Variants in PDZD2 observed in about 807,000 individuals in gnomAD.
PDZD2 encodes PDZ domain containing 2.
Under a neutral mutation model 220.7 loss-of-function variants are expected in PDZD2, and 90 were observed. That is an observed-to-expected ratio of 0.41 (90% CI 0.34 to 0.49). PDZD2 has a LOEUF of 0.49. Ranked by LOEUF, PDZD2 falls within the 20% of genes least tolerant of loss-of-function variation. The pLI is 0.28. For missense variants in PDZD2, 3,174 were observed against 3,608.5 expected, an observed-to-expected ratio of 0.88 and a Z score of 3.08; for synonymous variants, 1,375 against 1,450.5, an observed-to-expected ratio of 0.95 and a Z score of 1.18.
chr5:31,776,982 C>T (rs1177667593), intron 1 of PDZD2, among the ~76,000 whole-genome samples: 2 of 152,156 alleles, frequency 1.3e-5, no homozygotes, highest in Non-Finnish European at 2.9e-5. Flanking sequence ...CCTCCTCGGC[C>T]TCAGGCGTTC....
intron 2 of PDZD2, among the ~76,000 whole-genome samples, chr5:31,970,136 C>A (rs1581184076): frequency 6.6e-6 from 1 of 151,990 alleles, no homozygotes; most frequent in African/African-American, 2.4e-5. Flanking sequence ...CTCAGGTGAT[C>A]CGCCCACCTC....
intron 14 of PDZD2, among the ~76,000 whole-genome samples, chr5:32,065,337 T>C (rs923238777): frequency 3.9e-5 from 6 of 152,210 alleles, no homozygotes; most frequent in Admixed American, 6.5e-5. Context: ...CCCATGCCTG[T>C]CATATGGGCA....
rs1415768800 is a variant in PDZD2 at position 31,961,609 on chromosome 5, C to CT, written c.477-21542dup. Among the ~76,000 whole-genome samples the CT allele has an allele frequency of 5.9e-5, 9 of 152,246 alleles. No homozygotes were observed. In the East Asian group the frequency reaches 1.7e-3, roughly 29 times the overall value. On this transcript the variant is annotated intron_variant, in intron 2 of 24. Transcript: ENST00000438447. ...GAAAAGAATAGCATAAGGAAGCTCA[C>CT]TTTTCTTATTTGTTCTTCCTCTCAG...
intron 1 of PDZD2, among the ~76,000 whole-genome samples, chr5:31,695,950 C>A (rs975244423): frequency 1.3e-5 from 2 of 152,114 alleles, no homozygotes; most frequent in African/African-American, 2.4e-5. Context: ...GATTCTCTTC[C>A]CCAAAGTTCT....
chr5:31,945,446 C>T (rs1021615665), intron 2 of PDZD2, among the ~76,000 whole-genome samples: 5 of 152,174 alleles, frequency 3.3e-5, no homozygotes, highest in Non-Finnish European at 7.3e-5. Context: ...TTTCTGCTAT[C>T]TCGGTCCTAT....
At chr5:31,914,835 G>A (rs1743539250) in intron 2 of PDZD2, among the ~76,000 whole-genome samples, 1 of 152,186 alleles carries the variant, frequency 6.6e-6, no homozygotes, top group African/African-American at 2.4e-5. Context: ...AGCTGGTGAA[G>A]CAAACCTAAA....
intron 6 of PDZD2, among the ~76,000 whole-genome samples, chr5:32,013,602 G>A (rs867716103): frequency 2.5e-4 from 38 of 151,922 alleles, no homozygotes; most frequent in South Asian, 1.9e-3. Context: ...TAAGCCTCTC[G>A]GCAGTATTTC....
intron 2 of PDZD2, among the ~76,000 whole-genome samples, chr5:31,832,900 G>T (rs540423410): frequency 0.12 from 18,222 of 152,164 alleles, 1,191 homozygotes; most frequent in Non-Finnish European, 0.15. Flanking sequence ...CCTAGTGTGT[G>T]AGGAAAAGTT....
intron 1 of PDZD2, among the ~76,000 whole-genome samples, chr5:31,743,081 C>G (rs1750364477): frequency 1.3e-5 from 2 of 152,138 alleles, no homozygotes; most frequent in South Asian, 2.1e-4. Context: ...TTTTCCCCTG[C>G]TGAATTCTGC....
intron 1 of PDZD2, among the ~76,000 whole-genome samples, chr5:31,660,683 A>T (rs929954969): frequency 6.6e-5 from 10 of 152,156 alleles, no homozygotes; most frequent in African/African-American, 2.4e-4. Context: ...CCCTCCCATG[A>T]CACATGGGGA....
chr5:31,789,096 T>C (rs1338186762), intron 1 of PDZD2, among the ~76,000 whole-genome samples: 2 of 152,164 alleles, frequency 1.3e-5, no homozygotes, highest in African/African-American at 2.4e-5. Context: ...TTTTCTCTCA[T>C]GTAATAAGAA....
At chr5:31,970,400 A>G (rs1466237031) in intron 2 of PDZD2, among the ~76,000 whole-genome samples, 2 of 152,136 alleles carry the variant, frequency 1.3e-5, no homozygotes, top group East Asian at 1.9e-4. Context: ...TCCCGCTGGT[A>G]ATCCCAGCAC....
At chr5:32,073,607 CG>C (rs747623762) in intron 17 of PDZD2, among the ~76,000 whole-genome samples, 4 of 139,710 alleles carry the variant, frequency 2.9e-5, no homozygotes, top group African/African-American at 8.5e-5. Context: ...AAGAAAAGGG[CG>C]GGGGGGGTAG....
intron 2 of PDZD2, among the ~76,000 whole-genome samples, chr5:31,893,353 T>C (rs34040620): frequency 0.21 from 31,305 of 152,118 alleles, 3,546 homozygotes; most frequent in Non-Finnish European, 0.26. Context: ...GGCGGATTGC[T>C]TGACCCCAGG....
At chr5:31,645,354 T>G (rs1745097089) in intron 1 of PDZD2, among the ~76,000 whole-genome samples, 3 of 129,580 alleles carry the variant, frequency 2.3e-5, no homozygotes, top group African/African-American at 9.8e-5. Context: ...TTTTTTTTTT[T>G]GAGACGGAGT....
chr5:32,020,497 A>C (rs985883334), intron 6 of PDZD2, among the ~76,000 whole-genome samples: 2 of 152,222 alleles, frequency 1.3e-5, no homozygotes, highest in Non-Finnish European at 2.9e-5. Context: ...TAAGGTAACA[A>C]AAATCCTTGA....
intron 2 of PDZD2, chr5:31,840,857 A>G (rs2150283822): frequency 1.4e-6 from 1 of 714,338 alleles, no homozygotes; most frequent in Non-Finnish European, 2.6e-6. Context: ...TGATGTCTAC[A>G]ATATCACCTT....
Position 32,077,448 on chromosome 5 carries a change from T to C in PDZD2, c.3538-14T>C. On this transcript the variant is annotated splice_polypyrimidine_tract_variant and intron_variant, in intron 18 of 24. Transcript: ENST00000438447. ...AAAGTTATTTCAAGTGGCTTGTGGT[T>C]GTCATTGTGCCAGGAATCTCTGGGA... is the stretch of plus-strand genomic sequence containing the variant. 6.2e-7 allele frequency: 1 copy of C among 1,613,122 alleles called. No homozygotes were observed. The highest frequency in any genetic ancestry group is 8.5e-7 in the Non-Finnish European group (1 of 1,179,852).
chr5:31,854,799 G>T (rs1580900685), intron 2 of PDZD2: 1 of 184,006 alleles, frequency 5.4e-6, no homozygotes, highest in Non-Finnish European at 1.0e-5. Flanking sequence ...GAGTGACCGG[G>T]GAGGGGATCT....
Sources: gnomAD v4.1 joint callset for allele counts (sites outside exome capture counted in the v4.1 genomes callset) on GRCh38, gnomAD v4.1.1 for gene constraint, MANE v1.5 for transcripts, NCBI Gene and HGNC (gene_info 2026-07-23, HGNC 2026-07-21) for gene names.